The following LIX1 variants were observed in gnomAD, a reference collection of about 807,000 sequenced individuals.
LIX1 encodes protein limb expression 1 homolog.
LIX1 carries 24 observed loss-of-function variants against 33.4 expected under a neutral mutation model. The observed-to-expected ratio is 0.72, with a 90% CI of 0.52 to 1.01. LIX1 has a LOEUF of 1.01. Among genes scored for constraint, LIX1 ranks in the 50% least tolerant of loss-of-function variants. The probability of loss-of-function intolerance (pLI) is 0.00; values close to 1 mark genes in which losing one functional copy is unlikely to be tolerated. For missense variants in LIX1, 311 were observed against 339.2 expected, an observed-to-expected ratio of 0.92 and a Z score of 0.65; for synonymous variants, 124 against 124.0, an observed-to-expected ratio of 1.00 and a Z score of 0.00.
At chr5:97,124,906 C>A (rs888152814) in intron 1 of LIX1, among the ~76,000 whole-genome samples, 3 of 151,880 alleles carry the variant, frequency 2.0e-5, no homozygotes, top group Non-Finnish European at 4.4e-5. Flanking sequence ...GGTTTTGGTA[C>A]CCTAATTAAA....
chr5:97,098,839 T>C (rs1458635714), intron 4 of LIX1, among the ~76,000 whole-genome samples: 1 of 152,250 alleles, frequency 6.6e-6, no homozygotes. Context: ...AATTATTTGG[T>C]AAATTTTAAA....
At chr5:97,139,401 A>G (rs946423433) in intron 1 of LIX1, among the ~76,000 whole-genome samples, 33 of 152,354 alleles carry the variant, frequency 2.2e-4, no homozygotes, top group Middle Eastern at 3.4e-3. Flanking sequence ...AAGCATAGCT[A>G]TCTTGAAGTC....
chr5:97,124,942 C>T (rs998772708), intron 1 of LIX1, among the ~76,000 whole-genome samples: 4 of 151,976 alleles, frequency 2.6e-5, no homozygotes, highest in African/African-American at 9.7e-5. Context: ...TTCAAATTTA[C>T]TCTATAAATT....
At chr5:97,111,031 A>T (rs954065238) in intron 2 of LIX1, among the ~76,000 whole-genome samples, 12 of 152,154 alleles carry the variant, frequency 7.9e-5, no homozygotes, top group African/African-American at 2.9e-4. Flanking sequence ...CTTGAGTGCC[A>T]TCTCTTTTAG....
chr5:97,132,389 A>G (rs1442498893), intron 1 of LIX1, among the ~76,000 whole-genome samples: 1 of 152,214 alleles, frequency 6.6e-6, no homozygotes, highest in Non-Finnish European at 1.5e-5. Flanking sequence ...GGAAGAGTAG[A>G]TGAATGTGGG....
At chr5:97,097,563 G>A (rs1469622954) in intron 4 of LIX1, among the ~76,000 whole-genome samples, 6 of 152,208 alleles carry the variant, frequency 3.9e-5, no homozygotes, top group African/African-American at 1.4e-4. Flanking sequence ...ATGCCTGGGG[G>A]ACAGGAGTAG....
intron 4 of LIX1, among the ~76,000 whole-genome samples, chr5:97,104,301 T>C (rs1183363518): frequency 6.6e-6 from 1 of 152,234 alleles, no homozygotes; most frequent in Non-Finnish European, 1.5e-5. Context: ...AGTCTCTTTA[T>C]TATATTGCAT....
At chr5:97,125,949 C>T (rs761073172) in intron 1 of LIX1, among the ~76,000 whole-genome samples, 8 of 152,126 alleles carry the variant, frequency 5.3e-5, no homozygotes, top group African/African-American at 7.2e-5. Context: ...GCCCAGAGAA[C>T]GGTTCAGTAA....
At position 97,107,479 on chromosome 5, in the gene LIX1, C is replaced by T. The variant is rs778566465; in HGVS notation, c.268G>A (p.Ala90Thr). 39 of 1,613,866 alleles carry T rather than the reference C, an allele frequency of 2.4e-5. No individual in the cohort carries two copies. Among genetic ancestry groups the T allele is most frequent in the Non-Finnish European group, 3.3e-5 (39 of 1,180,022 alleles). The change falls in exon 3 of 6, where the codon GCC becomes ACC. Residue 90 changes from alanine (A) to threonine (T), a missense_variant. Physicochemically the swap from Ala to Thr is moderately conservative, Grantham distance 58. Transcript: ENST00000274382. ...GCCACTTTAGCTGCATCCCGCCTGG[C>T]CTCGGCTCTACTTAAGCAGCACTTG... ...NFQCCLSRAEARRDAAKVALI... is the reference protein window; with the variant it reads ...NFQCCLSRAETRRDAAKVALI...
chr5:97,103,187 GA>G (rs34170390), intron 4 of LIX1: 136 of 386,564 alleles, frequency 3.5e-4, no homozygotes, highest in East Asian at 8.5e-4. Flanking sequence ...AGATTGTTAT[GA>G]AAAAAAAAGG....
intron 2 of LIX1, among the ~76,000 whole-genome samples, chr5:97,111,998 T>G (rs1049070826): frequency 6.6e-6 from 1 of 152,216 alleles, no homozygotes; most frequent in Non-Finnish European, 1.5e-5. Context: ...TTCCAATTAA[T>G]AAGTACATAA....
At chr5:97,097,990 C>T (rs576478935) in intron 4 of LIX1, among the ~76,000 whole-genome samples, 1 of 152,248 alleles carries the variant, frequency 6.6e-6, no homozygotes, top group Admixed American at 6.5e-5. Context: ...CCTTCTTCAG[C>T]CCTTTTCTGC....
At chr5:97,118,712 T>C (rs1379748799) in intron 2 of LIX1, among the ~76,000 whole-genome samples, 2 of 152,216 alleles carry the variant, frequency 1.3e-5, no homozygotes, top group African/African-American at 4.8e-5. Context: ...TTTTAATCAG[T>C]AGATTATTTT....
At position 97,094,990 on chromosome 5, in the gene LIX1, G is replaced by A. The variant is rs139339824; in HGVS notation, c.607C>T (p.Arg203Cys). 227 of 1,614,050 alleles carry A rather than the reference G, an allele frequency of 1.4e-4. No homozygotes were observed. The East Asian group carries it at 1.8e-3, about 13-fold the overall frequency. Residue 203 changes from arginine to cysteine, a missense_variant, in exon 6 of 6, where the codon CGC (arginine) becomes TGC (cysteine). Physicochemically the swap from Arg to Cys is radical, Grantham distance 180. Coordinates refer to ENST00000274382, the MANE Select transcript of LIX1 (RefSeq NM_153234.5). The stretch of plus-strand genomic sequence containing the variant: ...ATCCAGTCCAGGGCCATGTGGCTGC[G>A]CATCTTTTCATCTAGAGAATACTGA... ...YSQYSLDEKM[R>C]SHMALDWIMK...
chr5:97,116,671 CCTTTT>C (rs1308343007), intron 2 of LIX1, among the ~76,000 whole-genome samples: 11 of 151,926 alleles, frequency 7.2e-5, no homozygotes, highest in African/African-American at 2.4e-4. Flanking sequence ...AGGTTTTATT[CCTTTT>C]CTTTTCTTTT....
rs1746162871 is a variant in LIX1, at chr5:97,093,190, T to C, written c.*1558A>G. On this transcript the variant is annotated 3_prime_UTR_variant, in exon 6 of 6. Coordinates refer to ENST00000274382, the MANE Select transcript of LIX1 (RefSeq NM_153234.5). ...ACATGATCAGTTACAGTAGTTTTCATGTGGATTTAAGGAGTGATGGTTACC... is the reference window on the plus strand; with the variant it reads ...ACATGATCAGTTACAGTAGTTTTCACGTGGATTTAAGGAGTGATGGTTACC... 2 of 152,344 alleles carry C rather than the reference T, an allele frequency of 1.3e-5. No individual in the cohort carries two copies. 9.4% of individuals were successfully genotyped at this position (152,344 alleles called of 1,614,324 possible). A position where few individuals can be genotyped will look rare whatever the true frequency, so the allele number is the denominator to read the frequency against.
chr5:97,094,649 A>T lies in LIX1; in HGVS notation c.*99T>A. ...GAGAGGGTTAGGAGAGCCTTCAGGT[A>T]GTACTAGAGATGCTGGAGCCTCTGA... On this transcript the variant is annotated 3_prime_UTR_variant, in exon 6 of 6. Coordinates refer to ENST00000274382, the MANE Select transcript of LIX1 (RefSeq NM_153234.5). The T allele has an allele frequency of 9.2e-7, 1 of 1,087,418 alleles. No homozygotes were observed. Among genetic ancestry groups the T allele is most frequent in the Non-Finnish European group, 1.3e-6 (1 of 745,604 alleles). The allele number at this position is 1,087,418 out of a possible 1,614,324, so 67.4% of individuals were successfully genotyped here. A position where few individuals can be genotyped will look rare whatever the true frequency, so the allele number is the denominator to read the frequency against.
At chr5:97,133,840 T>G (rs1286689259) in intron 1 of LIX1, among the ~76,000 whole-genome samples, 1 of 152,222 alleles carries the variant, frequency 6.6e-6, no homozygotes, top group Non-Finnish European at 1.5e-5. Flanking sequence ...AAATTAATTT[T>G]CATAACAGTG....
chr5:97,093,898 C>G lies in LIX1; in HGVS notation c.*850G>C, dbSNP rs994998155. On this transcript the variant is annotated 3_prime_UTR_variant, in exon 6 of 6. Coordinates refer to ENST00000274382, the MANE Select transcript of LIX1 (RefSeq NM_153234.5). The stretch of plus-strand genomic sequence containing the variant: ...CTAATAATTTTTCAAAATGTTTTAA[C>G]CTTTAAAATGCCATTAATTTTTCTC... 3.3e-5 allele frequency: 5 copies of G among 152,342 alleles called. No homozygotes were observed. In the East Asian group the frequency reaches 9.4e-4, roughly 29 times the overall value. 9.4% of individuals were successfully genotyped at this position (152,342 alleles called of 1,614,324 possible). A position where few individuals can be genotyped will look rare whatever the true frequency, so the allele number is the denominator to read the frequency against.
Sources: gnomAD v4.1 joint callset for allele counts (sites outside exome capture counted in the v4.1 genomes callset) on GRCh38, gnomAD v4.1.1 for gene constraint, MANE v1.5 for transcripts, NCBI Gene and HGNC (gene_info 2026-07-23, HGNC 2026-07-21) for gene names.